CPT1A: variants seen among roughly 807,000 people sequenced by gnomAD.
The protein encoded by CPT1A is carnitine palmitoyltransferase 1A.
In CPT1A, 64 loss-of-function variants were observed where a neutral mutation model predicts 100.8. The observed-to-expected ratio is 0.63, with a 90% CI of 0.52 to 0.78. The LOEUF is 0.78. CPT1A is among the 30% of genes least tolerant of loss of function. CPT1A has a pLI of 0.00. For missense variants in CPT1A, 802 were observed against 1,034.1 expected, an observed-to-expected ratio of 0.78 and a Z score of 3.08; for synonymous variants, 363 against 396.0, an observed-to-expected ratio of 0.92 and a Z score of 0.99.
chr11:68,796,127 G>T (rs1181798403), intron 7 of CPT1A, among the ~76,000 whole-genome samples: 1 of 152,064 alleles, frequency 6.6e-6, no homozygotes, highest in Non-Finnish European at 1.5e-5. Context: ...CACCCCTCTG[G>T]CGTCTCAGAA....
chr11:68,810,296 C>T (rs1856166817), intron 3 of CPT1A, among the ~76,000 whole-genome samples: 1 of 152,228 alleles, frequency 6.6e-6, no homozygotes, highest in Non-Finnish European at 1.5e-5. Flanking sequence ...GTCCTGGGAC[C>T]TCAAGGAAGA....
intron 14 of CPT1A, among the ~76,000 whole-genome samples, chr11:68,765,010 G>A (rs1276584535): frequency 6.6e-6 from 1 of 152,196 alleles, no homozygotes. Flanking sequence ...TCCCTTGGGA[G>A]CGGGGGTCAC....
At chr11:68,831,567 G>A (rs1173111030) in intron 1 of CPT1A, among the ~76,000 whole-genome samples, 1 of 152,034 alleles carries the variant, frequency 6.6e-6, no homozygotes, top group Non-Finnish European at 1.5e-5. Flanking sequence ...AGATAGGTGT[G>A]TGGGAAGGTA....
chr11:68,781,296 G>A (rs987899647), intron 11 of CPT1A, among the ~76,000 whole-genome samples: 2 of 152,184 alleles, frequency 1.3e-5, no homozygotes, highest in Non-Finnish European at 2.9e-5. Flanking sequence ...CTCAGGCTGT[G>A]TATGTGTGAT....
intron 1 of CPT1A, among the ~76,000 whole-genome samples, chr11:68,834,613 TGTGGG>T (rs778165856): frequency 3.3e-5 from 5 of 151,974 alleles, no homozygotes; most frequent in Non-Finnish European, 5.9e-5. Flanking sequence ...TTAGCCAAGG[TGTGGG>T]TAGTGCATGC....
intron 9 of CPT1A, among the ~76,000 whole-genome samples, chr11:68,790,323 A>G (rs1249861535): frequency 6.6e-6 from 1 of 152,094 alleles, no homozygotes; most frequent in East Asian, 1.9e-4. Context: ...CACCCACCTC[A>G]GCCTCCCAAT....
intron 13 of CPT1A, 186 bp from the exon 14 acceptor site, chr11:68,773,615 GCTGCAAT>G: frequency 9.7e-7 from 1 of 1,029,626 alleles, no homozygotes; most frequent in East Asian, 2.7e-5. Flanking sequence ...CGGAGGAGCA[GCTGCAAT>G]GTTATAGCAG....
At chr11:68,780,932 T>G (rs1855292402) in intron 11 of CPT1A, among the ~76,000 whole-genome samples, 187 bp from the exon 12 acceptor site, 1 of 152,220 alleles carries the variant, frequency 6.6e-6, no homozygotes, top group Non-Finnish European at 1.5e-5. Context: ...CACTCATTTC[T>G]TCCCTGTCCC....
chr11:68,777,618 C>T (rs1205641633), intron 12 of CPT1A, among the ~76,000 whole-genome samples: 1 of 152,180 alleles, frequency 6.6e-6, no homozygotes, highest in African/African-American at 2.4e-5. Flanking sequence ...ACGCTAACAA[C>T]TAAACACCAC....
intron 2 of CPT1A, 53 bp from the exon 3 acceptor site, chr11:68,812,629 A>C: frequency 6.2e-7 from 1 of 1,607,620 alleles, no homozygotes; most frequent in East Asian, 2.2e-5. Context: ...CCCACAGGGC[A>C]ATGACGCTTC....
intron 12 of CPT1A, among the ~76,000 whole-genome samples, chr11:68,778,005 G>A (rs1396227985): frequency 6.6e-6 from 1 of 152,138 alleles, no homozygotes; most frequent in Non-Finnish European, 1.5e-5. Flanking sequence ...GTGGTGAAAA[G>A]CCCTTTTAAT....
intron 16 of CPT1A, 28 bp downstream of exon 16, chr11:68,761,507 A>G: frequency 6.2e-7 from 1 of 1,612,406 alleles, no homozygotes; most frequent in Non-Finnish European, 8.5e-7. Flanking sequence ...AGCCAATACA[A>G]CTGACGGAAG....
intron 1 of CPT1A, among the ~76,000 whole-genome samples, chr11:68,829,471 C>T (rs977248036): frequency 1.3e-5 from 2 of 152,180 alleles, no homozygotes; most frequent in African/African-American, 4.8e-5. Flanking sequence ...CACAGCAGGG[C>T]GTGCACCTGT....
intron 1 of CPT1A, among the ~76,000 whole-genome samples, chr11:68,828,840 C>T (rs1048189554): frequency 7.2e-5 from 11 of 152,184 alleles, no homozygotes; most frequent in African/African-American, 2.7e-4. Context: ...CTTCCCGTTC[C>T]TTCTTCCTCC....
chr11:68,844,194 C>A (rs570514268), upstream of CPT1A: 3 of 152,404 alleles, frequency 2.0e-5, no homozygotes, highest in South Asian at 6.2e-4. Context: ...CCCGCGCCGG[C>A]CTGCAACTGC....
Position 68,794,738 on chromosome 11 carries a change from A to G in CPT1A, c.879+66T>C, listed in dbSNP as rs560641389. 4.8e-5 allele frequency: 63 copies of G among 1,305,642 alleles called. No individual in the cohort carries two copies. The East Asian group carries it at 1.3e-3, about 26-fold the overall frequency. The allele number at this position is 1,305,642 out of a possible 1,614,324, so 80.9% of individuals were successfully genotyped here. A position where few individuals can be genotyped will look rare whatever the true frequency, so the allele number is the denominator to read the frequency against. On this transcript the variant is annotated intron_variant, in intron 8 of 18. Transcript: ENST00000265641. ...AAACTGTATATTTTAAACATGTGCA[A>G]TATGTCAATTATACCTCTGTAAAGC...
chr11:68,816,400 C>A (rs993222258), intron 1 of CPT1A, among the ~76,000 whole-genome samples: 4 of 152,222 alleles, frequency 2.6e-5, no homozygotes, highest in Non-Finnish European at 4.4e-5. Flanking sequence ...ACGGAACGTG[C>A]CTTGGCGGCC....
intron 9 of CPT1A, among the ~76,000 whole-genome samples, chr11:68,787,221 G>A (rs539987884): frequency 3.9e-5 from 6 of 152,082 alleles, no homozygotes; most frequent in African/African-American, 1.4e-4. Flanking sequence ...CGGATCACGA[G>A]GTCAGGAGAT....
At chr11:68,802,555 C>T (rs1031496279) in intron 5 of CPT1A, among the ~76,000 whole-genome samples, 3 of 151,162 alleles carry the variant, frequency 2.0e-5, no homozygotes, top group East Asian at 1.9e-4. Flanking sequence ...AGTGAAACCC[C>T]GTCTCCACTA....
Sources: gnomAD v4.1 joint callset for allele counts (sites outside exome capture counted in the v4.1 genomes callset) on GRCh38, gnomAD v4.1.1 for gene constraint, MANE v1.5 for transcripts, NCBI Gene and HGNC (gene_info 2026-07-23, HGNC 2026-07-21) for gene names.